CCSER1: variants seen among roughly 807,000 people sequenced by gnomAD.
CCSER1 encodes the protein coiled-coil serine rich protein 1.
Under a neutral mutation model 82.0 loss-of-function variants are expected in CCSER1, and 41 were observed. The observed-to-expected ratio is 0.50, with a 90% confidence interval of 0.39 to 0.65. The LOEUF (loss-of-function observed/expected upper bound fraction) is 0.65. CCSER1 is among the 30% of genes least tolerant of loss of function. CCSER1 has a pLI of 0.00. For missense variants in CCSER1, 1,119 were observed against 1,064.2 expected (o/e 1.05, Z -0.72); for synonymous variants, 414 against 383.9 (o/e 1.08, Z -0.92).
At chr4:90,650,272 A>G (rs1451664590) in intron 6 of CCSER1, among the ~76,000 whole-genome samples, 1 of 152,122 alleles carries the variant, frequency 6.6e-6, no homozygotes, top group Non-Finnish European at 1.5e-5. Context: ...AAGAAAGTGA[A>G]AACGAGGAAG....
At chr4:91,162,698 G>T (rs1731556708) in intron 10 of CCSER1, among the ~76,000 whole-genome samples, 1 of 152,040 alleles carries the variant, frequency 6.6e-6, no homozygotes, top group African/African-American at 2.4e-5. Context: ...TTTCTTCTAG[G>T]TTTTGTAGTT....
At chr4:91,200,192 T>G (rs969272520) in intron 10 of CCSER1, among the ~76,000 whole-genome samples, 13 of 149,826 alleles carry the variant, frequency 8.7e-5, no homozygotes, top group African/African-American at 3.2e-4. Flanking sequence ...TGATTTTTTT[T>G]GTCAATCTTA....
intron 10 of CCSER1, among the ~76,000 whole-genome samples, chr4:91,552,794 T>TTATATATAGATAGAA (rs1762218203): frequency 6.6e-6 from 1 of 151,624 alleles, no homozygotes; most frequent in African/African-American, 2.4e-5. Context: ...TCTTAGGATT[T>TTATATATAGATAGAA]TCTATATATT....
chr4:90,530,547 C>T (rs1428823565), intron 5 of CCSER1, among the ~76,000 whole-genome samples: 1 of 152,104 alleles, frequency 6.6e-6, no homozygotes, highest in East Asian at 1.9e-4. Flanking sequence ...TTTCTTTAGC[C>T]AAGGGATGGA....
intron 10 of CCSER1, among the ~76,000 whole-genome samples, chr4:91,591,963 A>AT (rs1764290688): frequency 6.6e-6 from 1 of 152,158 alleles, no homozygotes; most frequent in East Asian, 1.9e-4. Context: ...TAAATAAGCC[A>AT]TTTTAATAAG....
intron 10 of CCSER1, among the ~76,000 whole-genome samples, chr4:91,296,220 C>A (rs1277735202): frequency 6.6e-6 from 1 of 151,376 alleles, no homozygotes; most frequent in African/African-American, 2.4e-5. Flanking sequence ...GCTTAAGTTT[C>A]TGGCAGCCAA....
chr4:90,812,621 G>C (rs942217837), intron 7 of CCSER1, among the ~76,000 whole-genome samples: 2 of 152,104 alleles, frequency 1.3e-5, no homozygotes, highest in African/African-American at 2.4e-5. Flanking sequence ...ATCTATACTA[G>C]TCCATTTTCA....
At chr4:91,151,241 T>C (rs938522673) in intron 10 of CCSER1, among the ~76,000 whole-genome samples, 1 of 152,188 alleles carries the variant, frequency 6.6e-6, no homozygotes, top group Non-Finnish European at 1.5e-5. Context: ...TTCTAGATTT[T>C]CTAGTTTATT....
chr4:90,329,174 C>T (rs1011026048), intron 3 of CCSER1, among the ~76,000 whole-genome samples: 1 of 152,060 alleles, frequency 6.6e-6, no homozygotes, highest in African/African-American at 2.4e-5. Flanking sequence ...AATTGGAATA[C>T]TTTTTTGTCA....
chr4:91,144,218 A>AT (rs1193996042), intron 10 of CCSER1, among the ~76,000 whole-genome samples: 6 of 151,294 alleles, frequency 4.0e-5, no homozygotes, highest in East Asian at 1.9e-4. Context: ...GAATTTATCC[A>AT]TTTTTTTTCT....
chr4:90,653,170 C>G (rs547995108), intron 6 of CCSER1, among the ~76,000 whole-genome samples: 1 of 151,924 alleles, frequency 6.6e-6, no homozygotes, highest in South Asian at 2.1e-4. Context: ...GCTGTCAGAG[C>G]TGTGTAATTT....
chr4:91,102,354 G>A (rs937287758), intron 10 of CCSER1, among the ~76,000 whole-genome samples: 1 of 152,196 alleles, frequency 6.6e-6, no homozygotes, highest in African/African-American at 2.4e-5. Flanking sequence ...GGATTAGGCA[G>A]ATTTTATGAC....
intron 6 of CCSER1, among the ~76,000 whole-genome samples, chr4:90,684,210 CT>C (rs1734400916): frequency 6.6e-6 from 1 of 151,960 alleles, no homozygotes; most frequent in African/African-American, 2.4e-5. Flanking sequence ...TACTAATTTG[CT>C]TCAAAAAATT....
At chr4:91,371,958 A>G (rs948861272) in intron 10 of CCSER1, among the ~76,000 whole-genome samples, 1 of 152,240 alleles carries the variant, frequency 6.6e-6, no homozygotes, top group Admixed American at 6.5e-5. Context: ...TCAGAATTCT[A>G]GAATGTAAGG....
At chr4:90,930,966 ATACATATATG>A (rs1729711139) in intron 9 of CCSER1, among the ~76,000 whole-genome samples, 1 of 135,682 alleles carries the variant, frequency 7.4e-6, no homozygotes, top group Non-Finnish European at 1.5e-5. Flanking sequence ...TACATACATG[ATACATATATG>A]TACATATATA....
At chr4:90,595,311 T>C (rs1324715728) in intron 5 of CCSER1, among the ~76,000 whole-genome samples, 3 of 152,034 alleles carry the variant, frequency 2.0e-5, no homozygotes, top group African/African-American at 4.8e-5. Flanking sequence ...GAGATTTTTA[T>C]ATTGAAATAA....
At chr4:90,563,859 A>G (rs1312613667) in intron 5 of CCSER1, among the ~76,000 whole-genome samples, 1 of 152,192 alleles carries the variant, frequency 6.6e-6, no homozygotes, top group Non-Finnish European at 1.5e-5. Flanking sequence ...AGGAGATTCC[A>G]TACTGTTTTC....
At chr4:90,452,632 A>G (rs1330521660) in intron 4 of CCSER1, among the ~76,000 whole-genome samples, 3 of 152,156 alleles carry the variant, frequency 2.0e-5, no homozygotes, top group African/African-American at 7.2e-5. Context: ...TCTGAGACAT[A>G]AAGATTGAAC....
At chr4:91,550,412 C>T (rs1762107515) in intron 10 of CCSER1, among the ~76,000 whole-genome samples, 1 of 152,176 alleles carries the variant, frequency 6.6e-6, no homozygotes, top group Non-Finnish European at 1.5e-5. Context: ...TTTCCTATTG[C>T]TTCCCATGGA....
Sources: gnomAD v4.1 joint callset for allele counts (sites outside exome capture counted in the v4.1 genomes callset) on GRCh38, gnomAD v4.1.1 for gene constraint, MANE v1.5 for transcripts, NCBI Gene and HGNC (gene_info 2026-07-23, HGNC 2026-07-21) for gene names.